Variants in CYP39A1 observed in about 807,000 individuals in gnomAD.
The protein encoded by CYP39A1 is 24-hydroxycholesterol 7-alpha-hydroxylase.
Under a neutral mutation model 58.1 loss-of-function variants are expected in CYP39A1, and 49 were observed. The observed-to-expected ratio is 0.84, with a 90% CI of 0.67 to 1.07. The LOEUF is 1.07. Ranked by LOEUF, CYP39A1 falls within the 50% of genes least tolerant of loss-of-function variation. The pLI, the probability that CYP39A1 is intolerant of heterozygous loss-of-function variation, is 0.00. For missense variants in CYP39A1, 531 were observed against 539.4 expected, an observed-to-expected ratio of 0.98 and a Z score of 0.16; for synonymous variants, 209 against 187.6, an observed-to-expected ratio of 1.11 and a Z score of -0.93.
intron 7 of CYP39A1, among the ~76,000 whole-genome samples, chr6:46,609,913 T>C (rs1000055341): frequency 6.6e-6 from 1 of 152,222 alleles, no homozygotes; most frequent in African/African-American, 2.4e-5. Flanking sequence ...AAAATATCTA[T>C]GGGAAAGATA....
At position 46,641,433 on chromosome 6, in the gene CYP39A1, G is replaced by A. The variant is rs538830715; in HGVS notation, c.313+730C>T. Among the ~76,000 whole-genome samples the A allele has an allele frequency of 2.6e-5, 4 of 151,962 alleles. No homozygotes were observed. The South Asian group carries it at 8.3e-4, about 32-fold the overall frequency. Reference sequence around the variant, plus strand: ...CTTAATGGCAAGAAATGCACAAAAGGTTACATGAAAAGGAACCAAAGAAGA... The same window carrying A: ...CTTAATGGCAAGAAATGCACAAAAGATTACATGAAAAGGAACCAAAGAAGA... On this transcript the variant is annotated intron_variant, in intron 2 of 11. Coordinates refer to ENST00000275016, the MANE Select transcript of CYP39A1 (RefSeq NM_016593.5).
At chr6:46,579,653 G>T (rs569561436) in intron 10 of CYP39A1, among the ~76,000 whole-genome samples, 41 of 152,198 alleles carry the variant, frequency 2.7e-4, no homozygotes, top group African/African-American at 9.4e-4. Flanking sequence ...AATAACTTCA[G>T]TAAAGTTTCA....
chr6:46,576,302 G>T (rs1486039386), intron 10 of CYP39A1, among the ~76,000 whole-genome samples: 3 of 152,092 alleles, frequency 2.0e-5, no homozygotes, highest in African/African-American at 7.2e-5. Flanking sequence ...TGAGATTTGG[G>T]TGGGGATGTA....
In CYP39A1 at chr6:46,550,313, G is replaced by A; in HGVS notation, c.*53C>T. On this transcript the variant is annotated 3_prime_UTR_variant, in exon 12 of 12. Coordinates refer to ENST00000275016, the MANE Select transcript of CYP39A1 (RefSeq NM_016593.5). ...AGCTCAGGTCTAGGTGCTGCCAGGT[G>A]GGGTAGTGCCACTCCTCCAGAAGGC... The A allele has an allele frequency of 6.8e-7, 1 of 1,466,810 alleles. No individual in the cohort carries two copies. The allele number at this position is 1,466,810 out of a possible 1,614,324, so 90.9% of individuals were successfully genotyped here.
intron 10 of CYP39A1, among the ~76,000 whole-genome samples, chr6:46,581,186 T>C (rs1352833033): frequency 2.6e-5 from 4 of 152,104 alleles, no homozygotes; most frequent in Non-Finnish European, 5.9e-5. Context: ...GGTGGGAGAA[T>C]TGCTTGAGCT....
chr6:46,556,013 T>A (rs1770647696), intron 10 of CYP39A1, among the ~76,000 whole-genome samples: 1 of 152,228 alleles, frequency 6.6e-6, no homozygotes, highest in African/African-American at 2.4e-5. Flanking sequence ...GCAATGTTTC[T>A]AAGAAAAAAC....
rs1465521824 is a variant in CYP39A1, at chr6:46,637,991, A to G, written c.489-13T>C. On this transcript the variant is annotated splice_polypyrimidine_tract_variant and intron_variant, in intron 3 of 11. Coordinates refer to ENST00000275016, the MANE Select transcript of CYP39A1 (RefSeq NM_016593.5). ...ATAAAGGAGATGTCTACAAAGACAG[A>G]AACACACAAAAAGTCAGACCCGAAG... 2 of 1,584,916 alleles carry G rather than the reference A, an allele frequency of 1.3e-6. No homozygotes were observed. The highest frequency in any genetic ancestry group is 1.7e-4 in the Middle Eastern group (1 of 5,964).
chr6:46,621,501 C>T (rs1774953393), intron 7 of CYP39A1, among the ~76,000 whole-genome samples: 1 of 152,024 alleles, frequency 6.6e-6, no homozygotes, highest in Admixed American at 6.6e-5. Flanking sequence ...AGTGCCCTTA[C>T]AGAAATAAAA....
At chr6:46,570,031 T>C (rs961042376) in intron 10 of CYP39A1, among the ~76,000 whole-genome samples, 9 of 152,250 alleles carry the variant, frequency 5.9e-5, no homozygotes, top group Non-Finnish European at 1.0e-4. Flanking sequence ...TGATTCAATC[T>C]CCTTACTTGT....
chr6:46,591,619 T>C (rs1772841557), intron 8 of CYP39A1, among the ~76,000 whole-genome samples: 1 of 152,138 alleles, frequency 6.6e-6, no homozygotes. Context: ...ATATAGCTAA[T>C]ATTGATAGAT....
At position 46,618,200 on chromosome 6, in the gene CYP39A1, T is replaced by G. The variant is rs1398966229; in HGVS notation, c.931+7218A>C. Among the ~76,000 whole-genome samples the G allele has an allele frequency of 2.0e-5, 3 of 152,142 alleles. No individual in the cohort carries two copies. The East Asian group carries it at 5.8e-4, about 29-fold the overall frequency. On this transcript the variant is annotated intron_variant, in intron 7 of 11. Coordinates refer to ENST00000275016, the MANE Select transcript of CYP39A1 (RefSeq NM_016593.5). ...CGCTATCTATCTAATTTACATGTGT[T>G]ATATCCTTCTAATAACTTCACGAGA...
rs929000188 is a variant in CYP39A1 at position 46,631,080 on chromosome 6, A to G, written c.733-10T>C. 1.3e-6 allele frequency: 2 copies of G among 1,591,188 alleles called. No homozygotes were observed. The highest frequency in any genetic ancestry group is 1.7e-6 in the Non-Finnish European group (2 of 1,160,478). ...TAGCTTGCAATAATGTCTGTTTAAA[A>G]GAAATAAACATTGCCAAACCATGGC... On this transcript the variant is annotated splice_polypyrimidine_tract_variant and intron_variant, in intron 5 of 11. Transcript: ENST00000275016.
chr6:46,639,513 C>T lies in CYP39A1; in HGVS notation c.469G>A (p.Asp157Asn), dbSNP rs1582458818. The T allele has an allele frequency of 6.2e-7, 1 of 1,614,026 alleles. No individual in the cohort carries two copies. The highest frequency in any genetic ancestry group is 8.5e-7 in the Non-Finnish European group (1 of 1,179,984). The stretch of plus-strand genomic sequence containing the variant: ...ATTTACCTTACTAAGTTGTTCAGGT[C>T]CATTGTCCCATGAGTGCCTAAATTC... Reference protein sequence around the residue: ...LENLGTHGTMDLNNLVRHLLY... With the variant: ...LENLGTHGTMNLNNLVRHLLY... The change falls in exon 3 of 12, where the codon GAC becomes AAC. Residue 157 changes from aspartate (D) to asparagine (N), a missense_variant. By Grantham distance (23) the Asp-to-Asn change is conservative (BLOSUM62 1). Coordinates refer to ENST00000275016, the MANE Select transcript of CYP39A1 (RefSeq NM_016593.5).
intron 7 of CYP39A1, among the ~76,000 whole-genome samples, chr6:46,605,966 A>C (rs548397509): frequency 6.6e-6 from 1 of 152,110 alleles, no homozygotes; most frequent in African/African-American, 2.4e-5. Flanking sequence ...TTTCTACTTG[A>C]CCAAGGATAG....
chr6:46,652,780 C>T lies in CYP39A1; in HGVS notation c.-198G>A, dbSNP rs1156962578. On this transcript the variant is annotated 5_prime_UTR_variant, in exon 1 of 12. Transcript: ENST00000275016. ...TTTCCATTGTCGCTCCCTCCCACCT[C>T]CACTTCTCTTTGAATCTCAGCCAGC... 2 of 519,994 alleles carry T rather than the reference C, an allele frequency of 3.8e-6. No homozygotes were observed. The highest frequency in any genetic ancestry group is 6.6e-6 in the Non-Finnish European group (2 of 302,548). 32.2% of individuals were successfully genotyped at this position (519,994 alleles called of 1,614,324 possible). A position where few individuals can be genotyped will look rare whatever the true frequency, so the allele number is the denominator to read the frequency against.
At chr6:46,599,931 G>A (rs1386580298) in intron 7 of CYP39A1, among the ~76,000 whole-genome samples, 2 of 152,018 alleles carry the variant, frequency 1.3e-5, no homozygotes, top group Non-Finnish European at 2.9e-5. Flanking sequence ...AACAATGTTT[G>A]CCCAGCTGCT....
At chr6:46,553,411 C>T (rs1770514944) in intron 11 of CYP39A1, among the ~76,000 whole-genome samples, 1 of 152,142 alleles carries the variant, frequency 6.6e-6, no homozygotes, top group Admixed American at 6.6e-5. Flanking sequence ...AACAATAGTT[C>T]ACATTTGGAT....
intron 5 of CYP39A1, among the ~76,000 whole-genome samples, chr6:46,632,265 T>A (rs1156350218): frequency 6.6e-6 from 1 of 152,232 alleles, no homozygotes; most frequent in Non-Finnish European, 1.5e-5. Context: ...CAATCATTAT[T>A]CTTGTCTACA....
intron 3 of CYP39A1, 108 bp from the exon 4 acceptor site, chr6:46,638,086 A>T (rs1776103623): frequency 1.8e-6 from 2 of 1,097,030 alleles, no homozygotes; most frequent in Admixed American, 3.3e-5. Flanking sequence ...AGCAGATAAT[A>T]GGTGACAGAT....
Sources: gnomAD v4.1 joint callset for allele counts (sites outside exome capture counted in the v4.1 genomes callset) on GRCh38, gnomAD v4.1.1 for gene constraint, MANE v1.5 for transcripts, NCBI Gene and HGNC (gene_info 2026-07-23, HGNC 2026-07-21) for gene names.